The following PCDHA13 variants were observed in gnomAD, a reference collection of about 807,000 sequenced individuals.
The protein encoded by PCDHA13 is protocadherin alpha-13.
In PCDHA13, 54 loss-of-function variants were observed where a neutral mutation model predicts 64.8. That is an observed-to-expected ratio of 0.83 (90% CI 0.67 to 1.04). The LOEUF (loss-of-function observed/expected upper bound fraction) is 1.04. PCDHA13 is among the 50% of genes least tolerant of loss of function. The pLI is 0.00. For missense variants in PCDHA13, 1,248 were observed against 1,254.3 expected, an observed-to-expected ratio of 0.99 and a Z score of 0.08; for synonymous variants, 587 against 564.4, an observed-to-expected ratio of 1.04 and a Z score of -0.57.
intron 3 of PCDHA13, among the ~76,000 whole-genome samples, chr5:141,003,475 G>A (rs934289848): frequency 2.0e-5 from 3 of 151,932 alleles, no homozygotes; most frequent in Non-Finnish European, 2.9e-5. Flanking sequence ...CCACAGTCTC[G>A]CTAATTTTTA....
intron 1 of PCDHA13, chr5:140,968,948 A>G (rs1554231262): frequency 2.5e-6 from 4 of 1,614,064 alleles, no homozygotes; most frequent in East Asian, 4.5e-5. Flanking sequence ...CATTTTGAGC[A>G]TCATCAAGTG....
chr5:140,977,750 G>A (rs2096773664), intron 1 of PCDHA13, among the ~76,000 whole-genome samples: 1 of 152,142 alleles, frequency 6.6e-6, no homozygotes, highest in South Asian at 2.1e-4. Context: ...GAAGAAATGT[G>A]TTTATTAAAT....
intron 1 of PCDHA13, chr5:140,929,151 T>C: frequency 6.2e-7 from 1 of 1,614,202 alleles, no homozygotes; most frequent in East Asian, 2.2e-5. Context: ...TTTCTCAGAC[T>C]TATCTCTATC....
At chr5:140,980,475 C>G (rs538255137) in intron 2 of PCDHA13, among the ~76,000 whole-genome samples, 10 of 152,148 alleles carry the variant, frequency 6.6e-5, no homozygotes, top group African/African-American at 2.2e-4. Context: ...ACTAAAAATA[C>G]AAAAATTAGC....
intron 1 of PCDHA13, among the ~76,000 whole-genome samples, chr5:140,937,540 C>T (rs2091570481): frequency 2.0e-5 from 3 of 152,116 alleles, no homozygotes; most frequent in East Asian, 3.9e-4. Flanking sequence ...TTGCTTGAAC[C>T]TGCGAGGCAG....
intron 1 of PCDHA13, among the ~76,000 whole-genome samples, chr5:140,925,538 C>T (rs1387501905): frequency 6.6e-6 from 1 of 151,860 alleles, no homozygotes; most frequent in Non-Finnish European, 1.5e-5. Flanking sequence ...AGGAGAAATA[C>T]CTAATGTAAA....
At chr5:140,988,805 C>T (rs782160959) in intron 3 of PCDHA13, 8 of 152,232 alleles carry the variant, frequency 5.3e-5, no homozygotes, top group African/African-American at 1.4e-4. Context: ...GAATTTCTTC[C>T]GTAACAGTAG....
chr5:140,928,712 GT>G (rs782592622), intron 1 of PCDHA13: 1 of 1,614,168 alleles, frequency 6.2e-7, no homozygotes, highest in Non-Finnish European at 8.5e-7. Context: ...TCTGACTCTA[GT>G]CTCTTTAGAA....
At chr5:140,964,473 T>G (rs1457345251) in intron 1 of PCDHA13, among the ~76,000 whole-genome samples, 13 of 152,068 alleles carry the variant, frequency 8.5e-5, no homozygotes, top group African/African-American at 3.1e-4. Flanking sequence ...TGCCTATGAT[T>G]TTTTCACAGT....
chr5:140,951,683 A>G (rs1389313679), intron 1 of PCDHA13, among the ~76,000 whole-genome samples: 1 of 152,160 alleles, frequency 6.6e-6, no homozygotes, highest in Non-Finnish European at 1.5e-5. Flanking sequence ...TGGGGATTAC[A>G]ATGTGACATG....
In PCDHA13 at chr5:140,992,017, CTGTGTG is replaced by C. The variant is rs10602499; in HGVS notation, c.2542+9486_2542+9491del. On this transcript the variant is annotated intron_variant, in intron 3 of 3. Coordinates refer to ENST00000289272, the MANE Select transcript of PCDHA13 (RefSeq NM_018904.3). ...CTTTCATGTTCAGGCAGAGGTGGCT[CTGTGTG>C]TGTGTGTGTGTGTGTGTGTGTGTGT... 2.1e-3 allele frequency among the ~76,000 whole-genome samples: 300 copies of C among 145,496 alleles called. 2 individuals carry two copies. The highest frequency in any genetic ancestry group is 4.8e-3 in the African/African-American group (189 of 39,270).
chr5:140,928,701 G>T, intron 1 of PCDHA13: 1 of 1,614,132 alleles, frequency 6.2e-7, no homozygotes, highest in Non-Finnish European at 8.5e-7. Context: ...TCTCCCGGGC[G>T]TCTGACTCTA....
At chr5:140,893,264 A>G (rs1554185566) in intron 1 of PCDHA13, among the ~76,000 whole-genome samples, 1 of 152,172 alleles carries the variant, frequency 6.6e-6, no homozygotes, top group East Asian at 1.9e-4. Flanking sequence ...ATAAATGCCC[A>G]ATAGTGGAAT....
At chr5:140,984,260 A>G (rs2097093759) in intron 3 of PCDHA13, among the ~76,000 whole-genome samples, 1 of 152,172 alleles carries the variant, frequency 6.6e-6, no homozygotes, top group South Asian at 2.1e-4. Context: ...GTAAGCCACA[A>G]ACTAACTTTG....
rs1489202467 is a variant in PCDHA13 at position 140,882,704 on chromosome 5, A to G, written c.436A>G (p.Arg146Gly). The part of the protein sequence containing the change: ...SKKRIIIAES[R>G]PPETRFPLDG... ...GAAACGAATAATCATTGCAGAATCTAGACCTCCGGAAACTCGATTTCCACT... is the reference window on the plus strand; with the variant it reads ...GAAACGAATAATCATTGCAGAATCTGGACCTCCGGAAACTCGATTTCCACT... Residue 146 changes from arginine (R) to glycine (G), a missense_variant, in exon 1 of 4, where the codon AGA (arginine) becomes GGA (glycine). Coordinates refer to ENST00000289272, the MANE Select transcript of PCDHA13 (RefSeq NM_018904.3). 6 of 1,614,110 alleles carry G rather than the reference A, an allele frequency of 3.7e-6. No individual in the cohort carries two copies. The African/African-American group carries it at 8.0e-5, about 22-fold the overall frequency.
At chr5:140,997,251 G>T (rs1217959179) in intron 3 of PCDHA13, among the ~76,000 whole-genome samples, 2 of 152,060 alleles carry the variant, frequency 1.3e-5, no homozygotes, top group Non-Finnish European at 2.9e-5. Context: ...TTACTTTAGG[G>T]TTCACTCTTC....
chr5:140,941,193 TTC>T (rs1491512649), intron 1 of PCDHA13, among the ~76,000 whole-genome samples: 2 of 116,638 alleles, frequency 1.7e-5, no homozygotes, highest in Admixed American at 1.7e-4. Flanking sequence ...TTCTTTTTTT[TTC>T]TTTCTTCCTT....
At chr5:140,888,487 A>G (rs2061843954) in intron 1 of PCDHA13, among the ~76,000 whole-genome samples, 1 of 152,162 alleles carries the variant, frequency 6.6e-6, no homozygotes, top group Admixed American at 6.5e-5. Context: ...CTGTTGAGAA[A>G]CTCTGCTTTA....
chr5:140,983,806 G>T (rs981942088), intron 3 of PCDHA13, among the ~76,000 whole-genome samples: 1 of 152,110 alleles, frequency 6.6e-6, no homozygotes, highest in Non-Finnish European at 1.5e-5. Flanking sequence ...GTGTGTAAAA[G>T]GTTTTTTCCC....
Sources: allele counts gnomAD v4.1 joint callset (sites outside exome capture counted in the v4.1 genomes callset), GRCh38; gene constraint gnomAD v4.1.1; transcripts MANE v1.5; gene names NCBI Gene and HGNC (gene_info 2026-07-23, HGNC 2026-07-21).